The following PCNT variants were observed in gnomAD, a reference collection of about 807,000 sequenced individuals.
The protein encoded by PCNT is kendrin.
Under a neutral mutation model 380.4 loss-of-function variants are expected in PCNT, and 319 were observed. The ratio of observed to expected loss-of-function variants is 0.84; its 90% CI spans 0.77 to 0.92. The LOEUF is 0.92. PCNT is among the 40% of genes least tolerant of loss of function. PCNT has a pLI of 0.00. For synonymous variants in PCNT, 1,845 were observed against 1,735.2 expected (o/e 1.06, Z -1.57); for missense variants, 4,400 against 4,255.3 (o/e 1.03, Z -0.95).
chr21:46,398,242 C>T lies in PCNT; in HGVS notation c.4571C>T (p.Pro1524Leu), dbSNP rs35513449. The change falls in exon 24 of 47, where the codon CCG (proline) becomes CTG (leucine). Residue 1524 changes from proline (P) to leucine (L), a missense_variant. Coordinates refer to ENST00000359568, the MANE Select transcript of PCNT (RefSeq NM_006031.6). ...PWGPRDSQQA[P>L]LDGEVELLQQ... ...TGTACATGAAATCGGCAGCAGGCGC[C>T]GCTGGATGGAGAGGTGAGGAGGCGT... 37 of 1,607,296 alleles carry T rather than the reference C, an allele frequency of 2.3e-5. No individual in the cohort carries two copies. Among genetic ancestry groups the T allele is most frequent in the Middle Eastern group, 4.5e-4 (2 of 4,454 alleles).
chr21:46,326,184 C>G (rs543823156), intron 1 of PCNT, among the ~76,000 whole-genome samples, 193 bp from the exon 2 acceptor site: 1 of 152,320 alleles, frequency 6.6e-6, no homozygotes, highest in East Asian at 1.9e-4. Flanking sequence ...TAGCAGTCCT[C>G]ATTGTTAGAC....
At chr21:46,426,935 G>C (rs1400369419) in intron 33 of PCNT, among the ~76,000 whole-genome samples, 1 of 152,194 alleles carries the variant, frequency 6.6e-6, no homozygotes, top group Non-Finnish European at 1.5e-5. Flanking sequence ...TGGTGCCATG[G>C]AGAGCCGGTG....
At chr21:46,391,057 T>G in intron 20 of PCNT, 107 bp from the exon 21 acceptor site, 2 of 1,232,848 alleles carry the variant, frequency 1.6e-6, no homozygotes, top group South Asian at 2.6e-5. Context: ...TGCTGGCTCT[T>G]AGCTCTGCTG....
chr21:46,395,675 T>G (rs9984554), intron 21 of PCNT, among the ~76,000 whole-genome samples: 7 of 140,990 alleles, frequency 5.0e-5, no homozygotes, highest in Non-Finnish European at 1.1e-4. Context: ...GACTTCAGGA[T>G]TCAGCAGCAG....
rs546688695 is a variant in PCNT at position 46,337,644 on chromosome 21, G to A, written c.639+2876G>A. Among the ~76,000 whole-genome samples the A allele has an allele frequency of 3.8e-4, 58 of 152,206 alleles. No homozygotes were observed. In the South Asian group the frequency reaches 4.6e-3, roughly 12 times the overall value. On this transcript the variant is annotated intron_variant, in intron 3 of 46. Transcript: ENST00000359568. ...GTTGCCCAGGCTGGAGTGCAGTGGC[G>A]CGATCTCGGCTCTCCGCAATCTCCG...
At chr21:46,426,499 C>T (rs930236956) in intron 33 of PCNT, among the ~76,000 whole-genome samples, 11 of 152,200 alleles carry the variant, frequency 7.2e-5, no homozygotes, top group African/African-American at 2.2e-4. Flanking sequence ...CTGTGTGAGC[C>T]TGCGGGGAGG....
In PCNT at chr21:46,326,436, G is replaced by A. The variant is rs1035125039; in HGVS notation, c.114G>A (p.Thr38=). Residue 38 remains threonine, a synonymous_variant, in exon 2 of 47, where the codon ACG becomes ACA. Coordinates refer to ENST00000359568, the MANE Select transcript of PCNT (RefSeq NM_006031.6). ...ACAGTTCGCATTCGGAGAAAAAGAC[G>A]GCGAAGAGGAAGGGCTCGGCTGTCG... is the stretch of plus-strand genomic sequence containing the variant. ...KGDSSHSEKK[T]AKRKGSAVDA... is the part of the protein sequence containing the mutation. The A allele has an allele frequency of 1.2e-5, 19 of 1,614,084 alleles. No homozygotes were observed. Among genetic ancestry groups the A allele is most frequent in the African/African-American group, 2.7e-5 (2 of 74,934 alleles).
intron 6 of PCNT, 84 bp downstream of exon 6, chr21:46,347,596 C>T: frequency 7.9e-7 from 1 of 1,261,824 alleles, no homozygotes; most frequent in Non-Finnish European, 1.2e-6. Context: ...CGCTCCTCAC[C>T]TTGATTCAGA....
chr21:46,386,118 C>G, intron 17 of PCNT, 135 bp downstream of exon 17: 1 of 1,013,960 alleles, frequency 9.9e-7, no homozygotes, highest in South Asian at 1.3e-5. Flanking sequence ...TGGACGGGGA[C>G]CCGGCTTCCT....
intron 16 of PCNT, 147 bp downstream of exon 16, chr21:46,381,987 TCA>T: frequency 1.2e-6 from 1 of 819,852 alleles, no homozygotes; most frequent in Non-Finnish European, 1.9e-6. Flanking sequence ...GGAAGCGCAT[TCA>T]CAGTGTTGTA....
At chr21:46,404,363 C>A (rs192023372) in intron 27 of PCNT, among the ~76,000 whole-genome samples, 1 of 152,226 alleles carries the variant, frequency 6.6e-6, no homozygotes, top group African/African-American at 2.4e-5. Flanking sequence ...AAGGTTCTGT[C>A]GGCTCTGTTT....
Position 46,432,976 on chromosome 21 carries a change from T to A in PCNT, c.8751+761T>A, listed in dbSNP as rs546195386. On this transcript the variant is annotated intron_variant, in intron 38 of 46. Coordinates refer to ENST00000359568, the MANE Select transcript of PCNT (RefSeq NM_006031.6). ...GTAGTGTTTCATTGCTTTCAAAATA[T>A]AAGTTTTATACTTTTGTTAAATTTA... Among the ~76,000 whole-genome samples the A allele has an allele frequency of 3.0e-4, 46 of 152,332 alleles. 1 individual carries two copies. Among genetic ancestry groups the A allele is most frequent in the Middle Eastern group, 3.4e-3 (1 of 294 alleles).
At position 46,416,541 on chromosome 21, in the gene PCNT, A is replaced by T. The variant is rs1435164772; in HGVS notation, c.6623A>T (p.Glu2208Val). The stretch of plus-strand genomic sequence containing the variant: ...TCCCGCCACCAGAGCCACACTGCAG[A>T]GGCTGGGCCCCGGAAGAGCCCGGTC... ...GGSRHQSHTA[E>V]AGPRKSPVGM... The change falls in exon 30 of 47, where the codon GAG becomes GTG. Residue 2208 changes from glutamate (E) to valine (V), a missense_variant. Transcript: ENST00000359568. The T allele has an allele frequency of 1.2e-5, 19 of 1,613,530 alleles. No homozygotes were observed. Among genetic ancestry groups the T allele is most frequent in the Non-Finnish European group, 1.5e-5 (18 of 1,179,900 alleles).
intron 10 of PCNT, 107 bp downstream of exon 10, chr21:46,353,433 CT>C: frequency 2.2e-6 from 2 of 912,462 alleles, no homozygotes; most frequent in Non-Finnish European, 3.6e-6. Context: ...CACCAATGGC[CT>C]TTTATACAAA....
rs557093717 is a variant in PCNT at position 46,431,510 on chromosome 21, G to GT, written c.8065-18dup. 588 of 1,613,898 alleles carry GT rather than the reference G, an allele frequency of 3.6e-4. 3 individuals are homozygous for GT. In the African/African-American group the frequency reaches 7.0e-3, roughly 19 times the overall value. ...TCCTCTTGATTCAGTGTCTCCCATCGTATGTGTTTGCTGTCTAGGAGCTGC... is the reference window on the plus strand; with the variant it reads ...TCCTCTTGATTCAGTGTCTCCCATCGTTATGTGTTTGCTGTCTAGGAGCTGC... On this transcript the variant is annotated intron_variant, in intron 37 of 46. Coordinates refer to ENST00000359568, the MANE Select transcript of PCNT (RefSeq NM_006031.6).
intron 14 of PCNT, among the ~76,000 whole-genome samples, chr21:46,366,347 C>T (rs375172658): frequency 2.0e-5 from 3 of 152,238 alleles, no homozygotes; most frequent in South Asian, 2.1e-4. Flanking sequence ...TGTGACCTGG[C>T]GACTCCCATG....
chr21:46,363,421 C>T lies in PCNT; in HGVS notation c.2155-59C>T, dbSNP rs538277646. 2,791 of 1,426,094 alleles carry T rather than the reference C, an allele frequency of 2.0e-3. 65 individuals carry two copies. The South Asian group carries it at 0.03, about 15-fold the overall frequency. 88.3% of individuals were successfully genotyped at this position (1,426,094 alleles called of 1,614,324 possible). The stretch of plus-strand genomic sequence containing the variant: ...CTTCAGAGGTGGGTTTGGGTTGTCT[C>T]TTCTAATAATCTCTTCCATTAGCGT... On this transcript the variant is annotated intron_variant, in intron 13 of 46. Transcript: ENST00000359568.
intron 21 of PCNT, among the ~76,000 whole-genome samples, chr21:46,395,175 G>A (rs1049491034): frequency 5.7e-4 from 87 of 152,368 alleles, no homozygotes; most frequent in African/African-American, 2.0e-3. Flanking sequence ...AATGTTACTT[G>A]CATTGGTCAT....
chr21:46,367,253 G>A (rs891146726), intron 15 of PCNT, 114 bp downstream of exon 15: 121 of 869,336 alleles, frequency 1.4e-4, no homozygotes, highest in Admixed American at 4.2e-5. Flanking sequence ...GCGGGTGTCT[G>A]TGTGTCTCAC....
Sources: allele counts gnomAD v4.1 joint callset (sites outside exome capture counted in the v4.1 genomes callset), GRCh38; gene constraint gnomAD v4.1.1; transcripts MANE v1.5; gene names NCBI Gene and HGNC (gene_info 2026-07-23, HGNC 2026-07-21).